Variants in CDH18 observed in about 807,000 individuals in gnomAD.
CDH18 encodes the protein cadherin-18.
In CDH18, 31 loss-of-function variants were observed where a neutral mutation model predicts 67.9. That is an observed-to-expected ratio of 0.46 (90% CI 0.34 to 0.62). The LOEUF (loss-of-function observed/expected upper bound fraction) is 0.62, where lower values mean the gene tolerates loss of function less well. CDH18 is among the 20% of genes least tolerant of loss of function. The pLI is 0.01. For synonymous variants in CDH18, 362 were observed against 347.2 expected, an observed-to-expected ratio of 1.04 and a Z score of -0.48; for missense variants, 890 against 975.5, an observed-to-expected ratio of 0.91 and a Z score of 1.17.
intron 2 of CDH18, among the ~76,000 whole-genome samples, chr5:19,967,223 A>G (rs1397502905): frequency 6.6e-6 from 1 of 152,034 alleles, no homozygotes; most frequent in African/African-American, 2.4e-5. Context: ...TTTGCATCTA[A>G]AGGATACATT....
intron 12 of CDH18, among the ~76,000 whole-genome samples, chr5:19,480,724 A>G (rs1739288769): frequency 6.6e-6 from 1 of 151,010 alleles, no homozygotes; most frequent in Non-Finnish European, 1.5e-5. Context: ...TCCACCATAC[A>G]TTTACTGTAC....
intron 11 of CDH18, among the ~76,000 whole-genome samples, chr5:19,486,201 A>G (rs991269953): frequency 6.6e-6 from 1 of 152,060 alleles, no homozygotes; most frequent in African/African-American, 2.4e-5. Flanking sequence ...GGAACAGTAC[A>G]AAATGTACTT....
At chr5:20,271,194 A>G (rs1032811964) in intron 1 of CDH18, among the ~76,000 whole-genome samples, 1 of 152,072 alleles carries the variant, frequency 6.6e-6, no homozygotes, top group South Asian at 2.1e-4. Context: ...GAGGAAACTT[A>G]TTTTTTCACT....
At chr5:20,220,727 T>A (rs1163675516) in intron 2 of CDH18, among the ~76,000 whole-genome samples, 1 of 151,884 alleles carries the variant, frequency 6.6e-6, no homozygotes, top group African/African-American at 2.4e-5. Context: ...ACTATCCAGC[T>A]GACAAGGGAT....
chr5:20,052,915 C>T (rs953985518), intron 2 of CDH18, among the ~76,000 whole-genome samples: 2 of 152,026 alleles, frequency 1.3e-5, no homozygotes, highest in South Asian at 2.1e-4. Context: ...ATGTTTCCTC[C>T]TTCTCTTGTT....
rs368199786 is a variant in CDH18 at position 20,288,039 on chromosome 5, A to C, written c.-579-32534T>G. The stretch of plus-strand genomic sequence containing the variant: ...TGAAACACATCTGAACCTGCTGTTA[A>C]CATTCAGCAAAATATACTGCAGATA... On this transcript the variant is annotated intron_variant, in intron 1 of 14. Coordinates refer to the CDH18 transcript ENST00000507958. 2.2e-3 allele frequency among the ~76,000 whole-genome samples: 338 copies of C among 151,920 alleles called. 3 individuals are homozygous for C. The highest frequency in any genetic ancestry group is 7.6e-3 in the African/African-American group (316 of 41,504).
chr5:20,116,511 C>G (rs60298879), intron 2 of CDH18, among the ~76,000 whole-genome samples: 21,526 of 150,200 alleles, frequency 0.14, 2,662 homozygotes, highest in African/African-American at 0.34. Context: ...GAGAGACTCC[C>G]TCTTAAAAAA....
intron 3 of CDH18, among the ~76,000 whole-genome samples, chr5:19,823,079 C>T (rs914468030): frequency 6.6e-6 from 1 of 152,214 alleles, no homozygotes; most frequent in African/African-American, 2.4e-5. Flanking sequence ...TTCCGCCTGG[C>T]TCACCGGCGG....
chr5:20,323,754 G>A (rs1245515941), intron 1 of CDH18, among the ~76,000 whole-genome samples: 1 of 152,152 alleles, frequency 6.6e-6, no homozygotes, highest in African/African-American at 2.4e-5. Flanking sequence ...AAGTGCTATA[G>A]TAAGCAACTG....
intron 2 of CDH18, among the ~76,000 whole-genome samples, chr5:20,159,197 T>A (rs554526498): frequency 6.6e-6 from 1 of 152,146 alleles, no homozygotes; most frequent in African/African-American, 2.4e-5. Context: ...TGGACCAAAA[T>A]ATAAAAACAG....
At chr5:19,671,330 AAC>A (rs1209555469) in intron 5 of CDH18, among the ~76,000 whole-genome samples, 1 of 152,180 alleles carries the variant, frequency 6.6e-6, no homozygotes, top group Non-Finnish European at 1.5e-5. Context: ...AAGAAAAAAT[AAC>A]ACAATACATT....
At chr5:19,791,076 A>G (rs894471420) in intron 3 of CDH18, among the ~76,000 whole-genome samples, 8 of 152,204 alleles carry the variant, frequency 5.3e-5, no homozygotes, top group African/African-American at 7.2e-5. Context: ...GTTAATTTTG[A>G]GATTGCAGCA....
At chr5:19,761,613 C>T (rs1013101037) in intron 3 of CDH18, among the ~76,000 whole-genome samples, 5 of 152,046 alleles carry the variant, frequency 3.3e-5, no homozygotes, top group South Asian at 4.1e-4. Flanking sequence ...AATGGAAGAA[C>T]ATTCCATGGT....
chr5:20,000,325 G>T (rs1437436095), intron 2 of CDH18, among the ~76,000 whole-genome samples: 1 of 152,082 alleles, frequency 6.6e-6, no homozygotes, highest in Non-Finnish European at 1.5e-5. Context: ...CAACCAAAAA[G>T]ATATAATGAA....
intron 2 of CDH18, among the ~76,000 whole-genome samples, chr5:20,062,960 G>GCAT (rs1376344400): frequency 6.8e-6 from 1 of 146,100 alleles, no homozygotes; most frequent in Non-Finnish European, 1.5e-5. Flanking sequence ...AATGTACATT[G>GCAT]CATTTAGTCC....
chr5:20,437,513 T>C (rs1456676938), intron 1 of CDH18, among the ~76,000 whole-genome samples: 1 of 151,344 alleles, frequency 6.6e-6, no homozygotes, highest in Non-Finnish European at 1.5e-5. Context: ...GATAGCATAA[T>C]TTCTTCCTGG....
chr5:19,745,936 C>T (rs769878847), intron 4 of CDH18, among the ~76,000 whole-genome samples: 1 of 151,732 alleles, frequency 6.6e-6, no homozygotes, highest in Non-Finnish European at 1.5e-5. Context: ...TACATATACA[C>T]ATATATATAT....
chr5:19,903,017 T>TA (rs1321792667), intron 2 of CDH18, among the ~76,000 whole-genome samples: 1 of 151,902 alleles, frequency 6.6e-6, no homozygotes, highest in Admixed American at 6.6e-5. Context: ...ATTCAAAATA[T>TA]AAAAATACAT....
intron 8 of CDH18, among the ~76,000 whole-genome samples, chr5:19,570,644 A>C (rs62349543): frequency 0.074 from 11,224 of 152,184 alleles, 452 homozygotes; most frequent in African/African-American, 0.088. Flanking sequence ...GATTTCCATG[A>C]GTATAAATAC....
Sources: allele counts gnomAD v4.1 joint callset (sites outside exome capture counted in the v4.1 genomes callset), GRCh38; gene constraint gnomAD v4.1.1; transcripts MANE v1.5; gene names NCBI Gene and HGNC (gene_info 2026-07-23, HGNC 2026-07-21).